Variants in COL1A2 observed in about 807,000 individuals in gnomAD.
COL1A2 encodes the protein collagen type I alpha 2 chain.
A neutral mutation model predicts 174.3 loss-of-function variants in COL1A2; 49 were observed. The ratio of observed to expected loss-of-function variants is 0.28; its 90% CI spans 0.22 to 0.36. The LOEUF is 0.36. Among genes scored for constraint, COL1A2 ranks in the 10% least tolerant of loss-of-function variants. The probability of loss-of-function intolerance (pLI) is 1.00; values close to 1 mark genes in which losing one functional copy is unlikely to be tolerated. For synonymous variants in COL1A2, 655 were observed against 606.6 expected (o/e 1.08, Z -1.17); for missense variants, 1,438 against 1,822.7 (o/e 0.79, Z 3.84).
At chr7:94,397,616 A>T (rs956981064) in intron 1 of COL1A2, 132 bp from the exon 2 acceptor site, 6 of 551,570 alleles carry the variant, frequency 1.1e-5, no homozygotes, top group African/African-American at 3.9e-5. Flanking sequence ...AAATATTCTT[A>T]AAAAAATATA....
Position 94,421,007 on chromosome 7 carries a change from A to G in COL1A2, c.2296-2A>G, listed in dbSNP as rs72658181. ...TGACTCCATCTTTTTGTTTGCATTT[A>G]GGGTCCAAATGGTCCCCCCGGTCCT... On this transcript the variant is annotated splice_acceptor_variant, in intron 37 of 51. Transcript: ENST00000297268. LOFTEE classifies it high-confidence loss of function. 6.2e-7 allele frequency: 1 copy of G among 1,614,096 alleles called. No individual in the cohort carries two copies. Among genetic ancestry groups the G allele is most frequent in the Non-Finnish European group, 8.5e-7 (1 of 1,179,974 alleles).
At chr7:94,424,021 T>G (rs967084146) in intron 40 of COL1A2, 3 of 338,868 alleles carry the variant, frequency 8.9e-6, no homozygotes, top group African/African-American at 6.3e-5. Flanking sequence ...ACAATTTAAA[T>G]TTTTTTATTT....
Position 94,425,202 on chromosome 7 carries a change from C to T in COL1A2, c.2759C>T (p.Ala920Val). The change falls in exon 42 of 52, where the codon GCT becomes GTT. Residue 920 changes from alanine to valine, a missense_variant. By Grantham distance (64) the Ala-to-Val change is moderately conservative. Around this residue, in one of 3 missense-constraint regions of COL1A2, gnomAD observed 867 missense variants for 1,213.7 expected, o/e 0.71. Coordinates refer to ENST00000297268, the MANE Select transcript of COL1A2 (RefSeq NM_000089.4). ...GAVGSPGVNG[A>V]PGEAGRDGNP... ...GTGGGTAGTCCTGGAGTCAACGGTG[C>T]TCCTGGTGAAGCTGGTCGTGATGTG... 1 of 1,614,070 alleles carries T rather than the reference C, an allele frequency of 6.2e-7. No homozygotes were observed. Among genetic ancestry groups the T allele is most frequent in the Non-Finnish European group, 8.5e-7 (1 of 1,180,000 alleles).
chr7:94,424,347 C>T lies in COL1A2; in HGVS notation c.2577C>T (p.Gly859=), dbSNP rs1412756324. Residue 859 remains glycine (G), a synonymous_variant, in exon 41 of 52, where the codon GGC becomes GGT. Coordinates refer to ENST00000297268, the MANE Select transcript of COL1A2 (RefSeq NM_000089.4). ...SGEAGTAGPP[G]TPGPQGLLGA... ...TTTTCTCTATTTAGGGACCTCCTGGCACTCCAGGTCCTCAGGGTCTTCTTG... is the reference window on the plus strand; with the variant it reads ...TTTTCTCTATTTAGGGACCTCCTGGTACTCCAGGTCCTCAGGGTCTTCTTG... The T allele has an allele frequency of 1.2e-6, 2 of 1,613,998 alleles. No individual in the cohort carries two copies. Among genetic ancestry groups the T allele is most frequent in the South Asian group, 2.2e-5 (2 of 91,078 alleles).
Position 94,414,281 on chromosome 7 carries a change from T to G in COL1A2, c.1719+6T>G. On this transcript the variant is annotated splice_donor_region_variant and intron_variant, in intron 29 of 51. Coordinates refer to ENST00000297268, the MANE Select transcript of COL1A2 (RefSeq NM_000089.4). ...TTGGCAAACCAGGAGAAAGGGTGAG[T>G]AAAACAAGTAATAGTAAGTAGTAAC... 6.2e-7 allele frequency: 1 copy of G among 1,613,602 alleles called. No homozygotes were observed. Among genetic ancestry groups the G allele is most frequent in the Non-Finnish European group, 8.5e-7 (1 of 1,179,572 alleles).
At chr7:94,414,513 T>C (rs1464619158) in intron 29 of COL1A2, among the ~76,000 whole-genome samples, 3 of 152,246 alleles carry the variant, frequency 2.0e-5, no homozygotes, top group African/African-American at 7.2e-5. Flanking sequence ...AATCTATCAA[T>C]GAATATTTTA....
At position 94,423,096 on chromosome 7, in the gene COL1A2, C is replaced by T; in HGVS notation, c.2543C>T (p.Pro848Leu). The change falls in exon 40 of 52, where the codon CCC becomes CTC. Residue 848 changes from proline (P) to leucine (L), a missense_variant. This residue lies in a region of COL1A2 where 867 missense variants were observed against 1,213.7 expected (regional missense o/e 0.71). Coordinates refer to ENST00000297268, the MANE Select transcript of COL1A2 (RefSeq NM_000089.4). ...GPPGFAGEKG[P>L]SGEAGTAGPP... is the part of the protein sequence containing the mutation. ...CCTGGCTTCGCTGGTGAGAAGGGTC[C>T]CTCTGGAGAGGCTGGTACTGCTGTA... The T allele has an allele frequency of 1.2e-6, 2 of 1,614,154 alleles. No individual in the cohort carries two copies. Among genetic ancestry groups the T allele is most frequent in the South Asian group, 2.2e-5 (2 of 91,076 alleles).
intron 29 of COL1A2, 142 bp downstream of exon 29, chr7:94,414,417 G>C (rs534349058): frequency 2.5e-6 from 2 of 801,416 alleles, no homozygotes; most frequent in African/African-American, 3.4e-5. Context: ...ACATACTTTG[G>C]TGCTGATGGA....
rs1792244738 is a variant in COL1A2 at position 94,425,033 on chromosome 7, C to A, written c.2674-84C>A. On this transcript the variant is annotated intron_variant, in intron 41 of 51. Transcript: ENST00000297268. ...TTACCTTCTTCCTTCAAACTAGAAT[C>A]TCCTGAGTAGGGTTGTTTTGGAGGG... The A allele has an allele frequency of 2.6e-6, 3 of 1,174,104 alleles. No homozygotes were observed. In the East Asian group the frequency reaches 7.1e-5, roughly 28 times the overall value. The allele number at this position is 1,174,104 out of a possible 1,614,324, so 72.7% of individuals were successfully genotyped here. A position where few individuals can be genotyped will look rare whatever the true frequency, so the allele number is the denominator to read the frequency against.
At chr7:94,397,366 A>G (rs963038381) in intron 1 of COL1A2, among the ~76,000 whole-genome samples, 2 of 152,148 alleles carry the variant, frequency 1.3e-5, no homozygotes, top group African/African-American at 4.8e-5. Context: ...AATGATCAAA[A>G]TCATAAATTA....
chr7:94,407,844 T>A lies in COL1A2; in HGVS notation c.595-3T>A, dbSNP rs72656374. The A allele has an allele frequency of 6.2e-7, 1 of 1,613,810 alleles. No individual in the cohort carries two copies. The highest frequency in any genetic ancestry group is 8.5e-7 in the Non-Finnish European group (1 of 1,179,766). ...AACAAAAACTCAATCCTTCTCCATG[T>A]AGGGTGAACCTGGTGCCCCTGGTGA... On this transcript the variant is annotated splice_region_variant and splice_polypyrimidine_tract_variant and intron_variant, in intron 12 of 51. Transcript: ENST00000297268.
intron 38 of COL1A2, chr7:94,421,359 A>C: frequency 2.1e-6 from 1 of 475,638 alleles, no homozygotes; most frequent in East Asian, 4.1e-5. Context: ...CTTCTGCCTG[A>C]CCATGTCCTT....
chr7:94,430,322 A>G lies in COL1A2; in HGVS notation c.4030A>G (p.Ile1344Val). The G allele has an allele frequency of 1.2e-6, 2 of 1,614,142 alleles. No homozygotes were observed. Among genetic ancestry groups the G allele is most frequent in the South Asian group, 2.2e-5 (2 of 91,084 alleles). The part of the protein sequence containing the change: ...NKPSRLPFLD[I>V]APLDIGGADQ... ...GCCATCACGCCTGCCCTTCCTTGATATTGCACCTTTGGACATCGGTGGTGC... is the reference window on the plus strand; with the variant it reads ...GCCATCACGCCTGCCCTTCCTTGATGTTGCACCTTTGGACATCGGTGGTGC... The change falls in exon 52 of 52, where the codon ATT becomes GTT. Residue 1344 changes from isoleucine (I) to valine (V), a missense_variant. Physicochemically the swap from Ile to Val is conservative, Grantham distance 29. Coordinates refer to ENST00000297268, the MANE Select transcript of COL1A2 (RefSeq NM_000089.4).
At chr7:94,397,291 A>C (rs1358819124) in intron 1 of COL1A2, among the ~76,000 whole-genome samples, 5 of 152,144 alleles carry the variant, frequency 3.3e-5, no homozygotes, top group Non-Finnish European at 7.4e-5. Flanking sequence ...AAACAAATTC[A>C]ATATAGAATT....
chr7:94,396,780 C>A (rs1791593224), intron 1 of COL1A2, among the ~76,000 whole-genome samples: 1 of 152,040 alleles, frequency 6.6e-6, no homozygotes, highest in Non-Finnish European at 1.5e-5. Context: ...TGGATGTGGT[C>A]CACCCTCCTA....
At chr7:94,428,746 C>T (rs935486247) in intron 50 of COL1A2, among the ~76,000 whole-genome samples, 6 of 152,168 alleles carry the variant, frequency 3.9e-5, no homozygotes, top group African/African-American at 1.4e-4. Flanking sequence ...GGAGCACTGG[C>T]CAGCTATATG....
chr7:94,412,505 T>C (rs1791949319), intron 24 of COL1A2, 79 bp from the exon 25 acceptor site: 2 of 1,073,092 alleles, frequency 1.9e-6, no homozygotes, highest in Admixed American at 1.9e-5. Context: ...CTATTCTGTT[T>C]CATCCGTGGC....
In COL1A2 at chr7:94,399,073, C is replaced by T. The variant is rs769457034; in HGVS notation, c.121C>T (p.Arg41Cys). 7 of 1,613,498 alleles carry T rather than the reference C, an allele frequency of 4.3e-6. No individual in the cohort carries two copies. Among genetic ancestry groups the T allele is most frequent in the Admixed American group, 1.7e-5 (1 of 59,998 alleles). The change falls in exon 4 of 52, where the codon CGT (arginine) becomes TGT (cysteine). Residue 41 changes from arginine (R) to cysteine (C), a missense_variant. By Grantham distance (180) the Arg-to-Cys change is radical. This residue lies in a region of COL1A2 where 281 missense variants were observed against 310.9 expected (regional missense o/e 0.90). Transcript: ENST00000297268. ...GGGCCCAGCCGGAGATAGAGGACCA[C>T]GTGGAGAAAGGGTGTGTAATTTTTG... ...RKGPAGDRGPRGERGPPGPPG... is the reference protein window; with the variant it reads ...RKGPAGDRGPCGERGPPGPPG...
intron 41 of COL1A2, chr7:94,424,793 C>T: frequency 2.1e-6 from 1 of 466,898 alleles, no homozygotes; most frequent in South Asian, 2.2e-5. Context: ...TTCCATTAAA[C>T]CTTATACGTG....
Sources: allele counts gnomAD v4.1 joint callset (sites outside exome capture counted in the v4.1 genomes callset), GRCh38; gene constraint gnomAD v4.1.1; regional missense constraint gnomAD v4.1.1; transcripts MANE v1.5; gene names NCBI Gene and HGNC (gene_info 2026-07-23, HGNC 2026-07-21).